The following LTBP1 variants were observed in gnomAD, a reference collection of about 807,000 sequenced individuals.
The protein encoded by LTBP1 is latent transforming growth factor beta binding protein 1.
In LTBP1, 129 loss-of-function variants were observed where a neutral mutation model predicts 207.6. The ratio of observed to expected loss-of-function variants is 0.62; its 90% CI spans 0.54 to 0.72. The LOEUF (loss-of-function observed/expected upper bound fraction) is 0.72. Ranked by LOEUF, LTBP1 falls within the 30% of genes least tolerant of loss-of-function variation. The probability of loss-of-function intolerance (pLI) is 0.00; values close to 1 mark genes in which losing one functional copy is unlikely to be tolerated. For synonymous variants in LTBP1, 963 were observed against 833.7 expected (o/e 1.16, Z -2.67); for missense variants, 2,281 against 2,217.2 (o/e 1.03, Z -0.58).
rs886618862 is a variant in LTBP1 at position 33,331,200 on chromosome 2, G to C, written c.3731-11638G>C. Among the ~76,000 whole-genome samples, 4 of 150,974 alleles carry C rather than the reference G, an allele frequency of 2.6e-5. No homozygotes were observed. The South Asian group carries it at 6.2e-4, about 24-fold the overall frequency. On this transcript the variant is annotated intron_variant, in intron 24 of 33. Transcript: ENST00000404816. ...CAACTTATGTGGATTTGTTTCCTTT[G>C]TTTTCTATTTTATTAATTTTTGCTT...
At chr2:33,138,806 A>AATAATT (rs1053002692) in intron 5 of LTBP1, among the ~76,000 whole-genome samples, 5 of 151,404 alleles carry the variant, frequency 3.3e-5, no homozygotes, top group Non-Finnish European at 5.9e-5. Flanking sequence ...GCACCAATTG[A>AATAATT]ATAATTATAA....
At chr2:33,370,879 A>G (rs2095060101) in intron 31 of LTBP1, among the ~76,000 whole-genome samples, 1 of 152,202 alleles carries the variant, frequency 6.6e-6, no homozygotes, top group Non-Finnish European at 1.5e-5. Flanking sequence ...TTTAAGCATT[A>G]AAGTGCAGTG....
intron 7 of LTBP1, among the ~76,000 whole-genome samples, chr2:33,194,105 G>A (rs2088254080): frequency 6.6e-6 from 1 of 152,098 alleles, no homozygotes; most frequent in African/African-American, 2.4e-5. Flanking sequence ...TCCTGCCTCA[G>A]CCTCCCAAGT....
In LTBP1 at chr2:33,389,178, C is replaced by A. The variant is rs746024835; in HGVS notation, c.4712-6C>A. On this transcript the variant is annotated splice_polypyrimidine_tract_variant and splice_region_variant and intron_variant, in intron 31 of 33. Transcript: ENST00000404816. ...TGGGGCCTCATGCTGCTTGTCTACT[C>A]CTTAGATGACTATGCTCAGCTGTGT... The A allele has an allele frequency of 1.1e-5, 17 of 1,613,948 alleles. No individual in the cohort carries two copies. The highest frequency in any genetic ancestry group is 5.0e-5 in the Admixed American group (3 of 59,996).
At chr2:33,261,516 T>C (rs78901807) in intron 13 of LTBP1, among the ~76,000 whole-genome samples, 8,569 of 151,966 alleles carry the variant, frequency 0.056, 802 homozygotes, top group African/African-American at 0.2. Flanking sequence ...AAAATGAGAG[T>C]GAGTCCGGCC....
At chr2:33,160,297 T>C (rs911539760) in intron 5 of LTBP1, among the ~76,000 whole-genome samples, 1 of 152,216 alleles carries the variant, frequency 6.6e-6, no homozygotes, top group Non-Finnish European at 1.5e-5. Context: ...TGAGGAGACT[T>C]GCCCCTTTTA....
chr2:33,231,057 G>C (rs1324939995), intron 9 of LTBP1, among the ~76,000 whole-genome samples: 1 of 152,130 alleles, frequency 6.6e-6, no homozygotes, highest in African/African-American at 2.4e-5. Context: ...GGCACTCCTA[G>C]CTATAGACTG....
At chr2:33,094,778 G>A (rs758534736) in intron 3 of LTBP1, among the ~76,000 whole-genome samples, 8 of 152,122 alleles carry the variant, frequency 5.3e-5, no homozygotes, top group Non-Finnish European at 7.4e-5. Context: ...TTCATGAGTT[G>A]CACTGCACAT....
chr2:33,016,137 T>C (rs1688344182), intron 2 of LTBP1, among the ~76,000 whole-genome samples: 1 of 152,140 alleles, frequency 6.6e-6, no homozygotes, highest in African/African-American at 2.4e-5. Context: ...GTTTTAATTG[T>C]TCTCATTGGA....
intron 24 of LTBP1, among the ~76,000 whole-genome samples, chr2:33,330,519 G>A (rs1034061080): frequency 6.6e-6 from 1 of 151,242 alleles, no homozygotes; most frequent in Non-Finnish European, 1.5e-5. Flanking sequence ...ATCAGATAAA[G>A]AAGTTCCCTT....
At chr2:33,061,848 G>A (rs1388749146) in intron 3 of LTBP1, among the ~76,000 whole-genome samples, 1 of 152,086 alleles carries the variant, frequency 6.6e-6, no homozygotes, top group Non-Finnish European at 1.5e-5. Flanking sequence ...TGTGTATAAG[G>A]TAGGTATGTG....
At chr2:33,028,262 AAATC>A (rs1378178022) in intron 3 of LTBP1, among the ~76,000 whole-genome samples, 2 of 152,228 alleles carry the variant, frequency 1.3e-5, no homozygotes, top group Non-Finnish European at 2.9e-5. Context: ...CAATTGAAAT[AAATC>A]AGGATAATGT....
At chr2:32,996,369 T>A (rs546728688) in intron 2 of LTBP1, among the ~76,000 whole-genome samples, 1 of 152,294 alleles carries the variant, frequency 6.6e-6, no homozygotes, top group South Asian at 2.1e-4. Flanking sequence ...TTCATCCTTA[T>A]GACCTAATCA....
chr2:33,025,045 A>G (rs1054480447), intron 3 of LTBP1, among the ~76,000 whole-genome samples: 4 of 152,190 alleles, frequency 2.6e-5, no homozygotes, highest in African/African-American at 9.7e-5. Context: ...ACCTCTCTGT[A>G]GAGCAGCCTG....
At chr2:33,199,298 C>T (rs1018590805) in intron 7 of LTBP1, among the ~76,000 whole-genome samples, 2 of 152,000 alleles carry the variant, frequency 1.3e-5, no homozygotes, top group Admixed American at 6.6e-5. Flanking sequence ...TTACATTTGC[C>T]AAGGAGAGCT....
intron 26 of LTBP1, among the ~76,000 whole-genome samples, chr2:33,355,624 C>T (rs2094848875): frequency 6.6e-6 from 1 of 151,972 alleles, no homozygotes; most frequent in African/African-American, 2.4e-5. Flanking sequence ...TCCAGGAGCC[C>T]CTTCATTCAT....
At chr2:33,300,926 G>A (rs185800442) in intron 21 of LTBP1, among the ~76,000 whole-genome samples, 32 of 151,922 alleles carry the variant, frequency 2.1e-4, no homozygotes, top group Non-Finnish European at 4.0e-4. Flanking sequence ...TCATTATATC[G>A]GGCTGCTTTA....
chr2:33,314,042 G>A (rs1415993707), intron 23 of LTBP1, among the ~76,000 whole-genome samples: 3 of 152,186 alleles, frequency 2.0e-5, no homozygotes, highest in African/African-American at 7.2e-5. Flanking sequence ...GTGTTTGGAA[G>A]TAGCCCTTGA....
At position 33,293,220 on chromosome 2, in the gene LTBP1, G is replaced by A; in HGVS notation, c.3173G>A (p.Gly1058Asp). 1.9e-6 allele frequency: 3 copies of A among 1,613,996 alleles called. No homozygotes were observed. Among genetic ancestry groups the A allele is most frequent in the Non-Finnish European group, 2.5e-6 (3 of 1,179,948 alleles). The change falls in exon 20 of 34, where the codon GGC becomes GAC. Residue 1058 changes from glycine to aspartate, a missense_variant. Gly to Asp is a moderately conservative substitution (Grantham distance 94). Coordinates refer to ENST00000404816, the MANE Select transcript of LTBP1 (RefSeq NM_206943.4). Reference sequence around the variant, plus strand: ...AATGGTGATTGTTCCAACCTTGAAGGCTCCTACATGTGTTCATGCCACAAA... The same window carrying A: ...AATGGTGATTGTTCCAACCTTGAAGACTCCTACATGTGTTCATGCCACAAA... ...CANGDCSNLEGSYMCSCHKGY... is the reference protein window; with the variant it reads ...CANGDCSNLEDSYMCSCHKGY...
Sources: allele counts gnomAD v4.1 joint callset (sites outside exome capture counted in the v4.1 genomes callset), GRCh38; gene constraint gnomAD v4.1.1; transcripts MANE v1.5; gene names NCBI Gene and HGNC (gene_info 2026-07-23, HGNC 2026-07-21).